SHMT1: variants seen among roughly 807,000 people sequenced by gnomAD.
The protein encoded by SHMT1 is serine hydroxymethyltransferase 1.
SHMT1 carries 45 observed loss-of-function variants against 49.0 expected under a neutral mutation model. The ratio of observed to expected loss-of-function variants is 0.92; its 90% CI spans 0.72 to 1.18. The LOEUF (loss-of-function observed/expected upper bound fraction) is 1.18. SHMT1 is among the 50% of genes most tolerant of loss of function. The pLI, the probability that SHMT1 is intolerant of heterozygous loss-of-function variation, is 0.00. For synonymous variants in SHMT1, 232 were observed against 246.6 expected (o/e 0.94, Z 0.55); for missense variants, 541 against 612.4 (o/e 0.88, Z 1.23).
intron 4 of SHMT1, among the ~76,000 whole-genome samples, chr17:18,348,070 C>T (rs1306603634): frequency 1.3e-5 from 2 of 152,120 alleles, no homozygotes; most frequent in Non-Finnish European, 2.9e-5. Flanking sequence ...CAGGCATGTG[C>T]CACTACACCC....
chr17:18,350,280 G>A (rs1026078594), intron 3 of SHMT1, among the ~76,000 whole-genome samples: 6 of 152,200 alleles, frequency 3.9e-5, no homozygotes, highest in East Asian at 3.9e-4. Flanking sequence ...GTAGTGAGCC[G>A]AGATCGTGCC....
intron 5 of SHMT1, among the ~76,000 whole-genome samples, chr17:18,342,469 C>G (rs906730144): frequency 1.3e-5 from 2 of 152,056 alleles, no homozygotes; most frequent in African/African-American, 4.8e-5. Context: ...GCAGTGCCAC[C>G]ACACCCGGCT....
At chr17:18,351,272 C>T (rs1348029483) in intron 3 of SHMT1, among the ~76,000 whole-genome samples, 1 of 152,006 alleles carries the variant, frequency 6.6e-6, no homozygotes, top group African/African-American at 2.4e-5. Context: ...TCCCGAGTAG[C>T]TGGGACTACA....
intron 5 of SHMT1, among the ~76,000 whole-genome samples, chr17:18,346,084 T>C (rs1985054659): frequency 6.6e-6 from 1 of 152,122 alleles, no homozygotes; most frequent in Non-Finnish European, 1.5e-5. Flanking sequence ...CTAGGTGTTC[T>C]GTGAAAAGAA....
chr17:18,362,587 A>G (rs1054751546), intron 1 of SHMT1, among the ~76,000 whole-genome samples: 4 of 152,042 alleles, frequency 2.6e-5, no homozygotes, highest in African/African-American at 7.2e-5. Flanking sequence ...GCCTCCCAAA[A>G]TGCTGGGATT....
chr17:18,346,858 CAGA>C (rs1985129872), intron 5 of SHMT1, among the ~76,000 whole-genome samples: 1 of 152,124 alleles, frequency 6.6e-6, no homozygotes, highest in Non-Finnish European at 1.5e-5. Flanking sequence ...AACTGAAAAG[CAGA>C]ATGGTCGTAT....
chr17:18,339,733 C>T (rs1400539552), intron 7 of SHMT1, among the ~76,000 whole-genome samples: 2 of 152,046 alleles, frequency 1.3e-5, no homozygotes, highest in Admixed American at 6.6e-5. Context: ...GCTAATTTTT[C>T]GTGTTTTTAG....
intron 1 of SHMT1, among the ~76,000 whole-genome samples, chr17:18,361,795 A>T (rs542772076): frequency 1.3e-5 from 2 of 152,246 alleles, no homozygotes; most frequent in South Asian, 4.1e-4. Flanking sequence ...CAAAAAAAAA[A>T]AAAAAGAAAA....
rs1420659526 is a variant in SHMT1 at position 18,335,584 on chromosome 17, T to C, written c.906A>G (p.Gly302=). The change falls in exon 8 of 12, where the codon GGA becomes GGG. Residue 302 remains glycine, a synonymous_variant. Coordinates refer to ENST00000316694, the MANE Select transcript of SHMT1 (RefSeq NM_004169.5). The stretch of plus-strand genomic sequence containing the variant: ...CAGCAATGGCGTGGTTGTGGGGACC[T>C]CCCTGCAGGCCAGGGAACACAGCAG... ...INSAVFPGLQ[G]GPHNHAIAGV... The C allele has an allele frequency of 4.3e-6, 7 of 1,613,358 alleles. No individual in the cohort carries two copies. The Admixed American group carries it at 1.2e-4, about 27-fold the overall frequency.
intron 1 of SHMT1, among the ~76,000 whole-genome samples, chr17:18,361,601 C>T (rs1415511437): frequency 6.6e-6 from 1 of 151,908 alleles, no homozygotes; most frequent in Non-Finnish European, 1.5e-5. Flanking sequence ...TCCTGGCTAA[C>T]ATGGTGAAAC....
intron 3 of SHMT1, among the ~76,000 whole-genome samples, chr17:18,350,188 G>A (rs979512025): frequency 1.3e-5 from 2 of 151,704 alleles, no homozygotes; most frequent in South Asian, 2.1e-4. Flanking sequence ...AAAATTAGCC[G>A]GGTGTGGTGG....
chr17:18,336,518 T>C (rs1187896516), intron 7 of SHMT1, among the ~76,000 whole-genome samples: 1 of 151,538 alleles, frequency 6.6e-6, no homozygotes, highest in Non-Finnish European at 1.5e-5. Context: ...ATACAAAAAT[T>C]AGCTGGGCAT....
Position 18,352,811 on chromosome 17 carries a change from A to G in SHMT1, c.242+861T>C, listed in dbSNP as rs554542117. 3.3e-5 allele frequency among the ~76,000 whole-genome samples: 5 copies of G among 151,538 alleles called. No individual in the cohort carries two copies. In the East Asian group the frequency reaches 5.9e-4, roughly 18 times the overall value. ...CTTCAGCCTGGGTGAGAGAAAGACC[A>G]TGTCTCAAAAAAGAAGAAAAAAAAA... On this transcript the variant is annotated intron_variant, in intron 3 of 11. Transcript: ENST00000316694.
At chr17:18,356,682 G>A (rs1022930948) in intron 1 of SHMT1, among the ~76,000 whole-genome samples, 8 of 152,144 alleles carry the variant, frequency 5.3e-5, no homozygotes, top group African/African-American at 1.9e-4. Context: ...GTTCTATCAA[G>A]TTGATAAACT....
Position 18,333,168 on chromosome 17 carries a change from G to C in SHMT1, c.1052C>G (p.Thr351Arg). 1 of 1,614,062 alleles carries C rather than the reference G, an allele frequency of 6.2e-7. No individual in the cohort carries two copies. Among genetic ancestry groups the C allele is most frequent in the Non-Finnish European group, 8.5e-7 (1 of 1,179,940 alleles). Residue 351 changes from threonine (T) to arginine (R), a missense_variant and splice_region_variant, in exon 9 of 12, where the codon ACA (threonine) becomes AGA (arginine). Coordinates refer to ENST00000316694, the MANE Select transcript of SHMT1 (RefSeq NM_004169.5). ...CTGAACACCATCTGTGTCTCTACCT[G>C]TGACTATTTTGTAGCCCAGCTCCGT... The part of the protein sequence containing the change: ...ALTELGYKIV[T>R]GGSDNHLILV...
At chr17:18,342,203 A>C (rs1225706896) in intron 5 of SHMT1, among the ~76,000 whole-genome samples, 1 of 152,210 alleles carries the variant, frequency 6.6e-6, no homozygotes, top group Non-Finnish European at 1.5e-5. Flanking sequence ...TATATAAACA[A>C]TGTAATAATA....
Position 18,357,426 on chromosome 17 carries a change from T to G in SHMT1, c.-19-1426A>C, listed in dbSNP as rs531614361. Among the ~76,000 whole-genome samples the G allele has an allele frequency of 3.3e-5, 5 of 152,202 alleles. No homozygotes were observed. In the South Asian group the frequency reaches 1.0e-3, roughly 32 times the overall value. ...ACTATTTAGCAACTTTTCAAAAGAT[T>G]TTTTGGGACACACAAGTTAATGATG... On this transcript the variant is annotated intron_variant, in intron 1 of 11. Coordinates refer to ENST00000316694, the MANE Select transcript of SHMT1 (RefSeq NM_004169.5).
intron 5 of SHMT1, among the ~76,000 whole-genome samples, chr17:18,346,489 C>T (rs1330503567): frequency 6.6e-6 from 1 of 152,126 alleles, no homozygotes; most frequent in African/African-American, 2.4e-5. Flanking sequence ...GGGCCCTGCA[C>T]ACCCTAGAGG....
chr17:18,343,279 C>T (rs890382275), intron 5 of SHMT1, among the ~76,000 whole-genome samples: 2 of 151,692 alleles, frequency 1.3e-5, no homozygotes, highest in Non-Finnish European at 2.9e-5. Context: ...TCTGGCAACA[C>T]ATCTCTTAGG....
Sources: gnomAD v4.1 joint callset for allele counts (sites outside exome capture counted in the v4.1 genomes callset) on GRCh38, gnomAD v4.1.1 for gene constraint, MANE v1.5 for transcripts, NCBI Gene and HGNC (gene_info 2026-07-23, HGNC 2026-07-21) for gene names.